Variants in ZBTB20 observed in about 807,000 individuals in gnomAD.
ZBTB20 encodes zinc finger and BTB domain-containing protein 20.
A neutral mutation model predicts 56.9 loss-of-function variants in ZBTB20; 9 were observed. The ratio of observed to expected loss-of-function variants is 0.16; its 90% CI spans 0.10 to 0.28. The LOEUF is 0.28. ZBTB20 is among the 10% of genes least tolerant of loss of function. The pLI is 1.00. For missense variants in ZBTB20, 655 were observed against 1,003.0 expected, an observed-to-expected ratio of 0.65 and a Z score of 4.69; for synonymous variants, 417 against 420.7, an observed-to-expected ratio of 0.99 and a Z score of 0.11.
At chr3:114,612,476 C>T (rs1482585774) in intron 6 of ZBTB20, among the ~76,000 whole-genome samples, 3 of 151,582 alleles carry the variant, frequency 2.0e-5, no homozygotes, top group East Asian at 1.9e-4. Context: ...TAAATTGTAC[C>T]ACTTCTAACA....
chr3:114,499,804 C>A (rs1014795055), intron 7 of ZBTB20, among the ~76,000 whole-genome samples: 1 of 151,904 alleles, frequency 6.6e-6, no homozygotes, highest in East Asian at 1.9e-4. Context: ...TTCTGGCACA[C>A]GTGAATCTGG....
At chr3:114,725,888 T>C (rs1016255708) in intron 5 of ZBTB20, among the ~76,000 whole-genome samples, 3 of 152,230 alleles carry the variant, frequency 2.0e-5, no homozygotes, top group African/African-American at 7.2e-5. Flanking sequence ...AGAATCTTTT[T>C]AGTACATACT....
intron 5 of ZBTB20, among the ~76,000 whole-genome samples, chr3:114,715,193 G>T (rs559090622): frequency 2.0e-5 from 3 of 152,176 alleles, no homozygotes; most frequent in African/African-American, 4.8e-5. Context: ...AGCAATTACT[G>T]CCGCTCAAAA....
intron 7 of ZBTB20, among the ~76,000 whole-genome samples, chr3:114,414,517 C>T (rs956086359): frequency 6.6e-6 from 1 of 151,966 alleles, no homozygotes; most frequent in African/African-American, 2.4e-5. Flanking sequence ...TTGTGTAATG[C>T]AAGAGTGTTG....
chr3:114,995,642 A>C (rs956083964), intron 2 of ZBTB20, among the ~76,000 whole-genome samples: 5 of 151,870 alleles, frequency 3.3e-5, no homozygotes, highest in African/African-American at 9.7e-5. Context: ...ACTTCTTCAA[A>C]ATATACTTAT....
chr3:114,404,127 T>C (rs1220541440), intron 7 of ZBTB20, among the ~76,000 whole-genome samples: 1 of 152,198 alleles, frequency 6.6e-6, no homozygotes, highest in Non-Finnish European at 1.5e-5. Flanking sequence ...TAGTAAATAC[T>C]GAAGCTATTT....
intron 6 of ZBTB20, among the ~76,000 whole-genome samples, chr3:114,662,655 G>A (rs543925681): frequency 0.011 from 1,631 of 141,924 alleles, 38 homozygotes; most frequent in African/African-American, 0.041. Context: ...CTGATGGCCA[G>A]TGATGATGAG....
intron 3 of ZBTB20, among the ~76,000 whole-genome samples, chr3:114,951,549 G>A (rs911110665): frequency 6.6e-6 from 1 of 152,052 alleles, no homozygotes; most frequent in African/African-American, 2.4e-5. Flanking sequence ...TTGTTCACTG[G>A]TATACACACA....
In ZBTB20 at chr3:114,648,085, T is replaced by C. The variant is rs576422700; in HGVS notation, c.-295+45443A>G. Among the ~76,000 whole-genome samples, 14 of 152,198 alleles carry C rather than the reference T, an allele frequency of 9.2e-5. No homozygotes were observed. The East Asian group carries it at 1.9e-3, about 21-fold the overall frequency. ...AATGTATTTTGTGCTATGTTTTGAC[T>C]AGTTGATTTTACTGTAGTATAGAAT... On this transcript the variant is annotated intron_variant, in intron 6 of 11. Coordinates refer to ENST00000675478, the MANE Select transcript of ZBTB20 (RefSeq NM_001348800.3).
Position 114,329,578 on chromosome 3 carries a change from C to T in ZBTB20, c.*9427G>A, listed in dbSNP as rs1467531789. Reference sequence around the variant, plus strand: ...AACAGGTAAATGGAGATCCTGAGGGCTGGATACCCAAGAGCCACCATTTTA... The same window carrying T: ...AACAGGTAAATGGAGATCCTGAGGGTTGGATACCCAAGAGCCACCATTTTA... On this transcript the variant is annotated 3_prime_UTR_variant, in exon 12 of 12. Transcript: ENST00000675478. 6.6e-6 allele frequency: 1 copy of T among 151,908 alleles called. No homozygotes were observed. Among genetic ancestry groups the T allele is most frequent in the African/African-American group, 2.4e-5 (1 of 41,376 alleles). 9.4% of individuals were successfully genotyped at this position (151,908 alleles called of 1,614,324 possible). A position where few individuals can be genotyped will look rare whatever the true frequency, so the allele number is the denominator to read the frequency against.
At chr3:115,053,611 G>A (rs1056634959) in intron 2 of ZBTB20, among the ~76,000 whole-genome samples, 2 of 151,984 alleles carry the variant, frequency 1.3e-5, no homozygotes, top group African/African-American at 4.8e-5. Flanking sequence ...TTAAGTATGT[G>A]TATATTAACT....
At chr3:114,629,737 C>CA (rs1309750139) in intron 6 of ZBTB20, among the ~76,000 whole-genome samples, 1 of 152,180 alleles carries the variant, frequency 6.6e-6, no homozygotes, top group East Asian at 1.9e-4. Context: ...ATGTGTCAGT[C>CA]AGGCCCTGTT....
At chr3:114,540,661 G>A (rs1286799892) in intron 6 of ZBTB20, among the ~76,000 whole-genome samples, 1 of 152,008 alleles carries the variant, frequency 6.6e-6, no homozygotes, top group Non-Finnish European at 1.5e-5. Context: ...ACTTCTAAAC[G>A]CTAATCACTT....
intron 3 of ZBTB20, among the ~76,000 whole-genome samples, chr3:114,905,206 A>T (rs2075277100): frequency 6.6e-6 from 1 of 151,942 alleles, no homozygotes; most frequent in Non-Finnish European, 1.5e-5. Context: ...AAAGTTTAAG[A>T]GCTAATTTAA....
intron 5 of ZBTB20, among the ~76,000 whole-genome samples, chr3:114,729,298 A>G (rs1352913540): frequency 6.6e-6 from 1 of 152,222 alleles, no homozygotes; most frequent in Non-Finnish European, 1.5e-5. Context: ...TATGCATAGT[A>G]AAATAGAGAA....
At chr3:114,685,894 GT>G (rs1385244204) in intron 6 of ZBTB20, among the ~76,000 whole-genome samples, 1 of 151,986 alleles carries the variant, frequency 6.6e-6, no homozygotes, top group Non-Finnish European at 1.5e-5. Flanking sequence ...TCACCAACCT[GT>G]TTTTTTAAGG....
At chr3:114,728,243 G>A (rs1338338337) in intron 5 of ZBTB20, among the ~76,000 whole-genome samples, 1 of 152,108 alleles carries the variant, frequency 6.6e-6, no homozygotes, top group Non-Finnish European at 1.5e-5. Flanking sequence ...CATTTGTATG[G>A]TGTTTTACAG....
intron 7 of ZBTB20, among the ~76,000 whole-genome samples, chr3:114,417,968 T>C (rs943086335): frequency 6.6e-6 from 1 of 152,040 alleles, no homozygotes; most frequent in Non-Finnish European, 1.5e-5. Context: ...AAGTCGATGA[T>C]AGAAAATAGA....
intron 6 of ZBTB20, among the ~76,000 whole-genome samples, chr3:114,525,042 C>A (rs75018620): frequency 3.9e-5 from 6 of 152,128 alleles, no homozygotes; most frequent in South Asian, 2.1e-4. Flanking sequence ...CTACTCTCCC[C>A]CTTTGGGACC....
Sources: gnomAD v4.1 joint callset for allele counts (sites outside exome capture counted in the v4.1 genomes callset) on GRCh38, gnomAD v4.1.1 for gene constraint, MANE v1.5 for transcripts, NCBI Gene and HGNC (gene_info 2026-07-23, HGNC 2026-07-21) for gene names.